The following VCL variants were observed in gnomAD, a reference collection of about 807,000 sequenced individuals.
VCL encodes vinculin.
Under a neutral mutation model 125.7 loss-of-function variants are expected in VCL, and 47 were observed. The ratio of observed to expected loss-of-function variants is 0.37; its 90% CI spans 0.30 to 0.48. VCL has a LOEUF of 0.48. Ranked by LOEUF, VCL falls within the 20% of genes least tolerant of loss-of-function variation. The pLI is 0.99. For synonymous variants in VCL, 458 were observed against 514.6 expected (o/e 0.89, Z 1.49); for missense variants, 1,069 against 1,455.5 (o/e 0.73, Z 4.32).
At chr10:74,069,660 T>C (rs1329253712) in intron 2 of VCL, among the ~76,000 whole-genome samples, 1 of 152,208 alleles carries the variant, frequency 6.6e-6, no homozygotes, top group African/African-American at 2.4e-5. Flanking sequence ...CTTTAAGCAG[T>C]TTGTTCCTTA....
chr10:74,100,669 G>A (rs1840037665), intron 13 of VCL, among the ~76,000 whole-genome samples: 1 of 152,096 alleles, frequency 6.6e-6, no homozygotes, highest in Non-Finnish European at 1.5e-5. Flanking sequence ...GCTCCTGCTT[G>A]TACCTGGTAA....
chr10:74,051,060 C>G (rs1299370325), intron 2 of VCL, among the ~76,000 whole-genome samples: 1 of 150,836 alleles, frequency 6.6e-6, no homozygotes. Context: ...CTGACTCAGC[C>G]TCCCGAGTAG....
chr10:74,100,046 A>G (rs1189416062), intron 13 of VCL, among the ~76,000 whole-genome samples: 1 of 152,198 alleles, frequency 6.6e-6, no homozygotes, highest in East Asian at 1.9e-4. Context: ...AGCTCCAGAC[A>G]TGTTCGTGTA....
chr10:74,082,558 T>A lies in VCL; in HGVS notation c.874+14T>A. On this transcript the variant is annotated intron_variant, in intron 7 of 21. Transcript: ENST00000211998. ...GTGCCTCCCCAGGTAACCCTCTAGT[T>A]CTGCTTTTCTGATCAATACAACGAG... is the stretch of plus-strand genomic sequence containing the variant. The A allele has an allele frequency of 6.2e-7, 1 of 1,613,304 alleles. No homozygotes were observed. The highest frequency in any genetic ancestry group is 8.5e-7 in the Non-Finnish European group (1 of 1,179,316).
At chr10:74,002,681 AGACCAT>A (rs1173052116) in intron 1 of VCL, among the ~76,000 whole-genome samples, 1 of 151,432 alleles carries the variant, frequency 6.6e-6, no homozygotes, top group Non-Finnish European at 1.5e-5. Flanking sequence ...CAAGAGATGG[AGACCAT>A]CCTGGCCAAC....
chr10:74,114,434 T>TGC lies in VCL; in HGVS notation c.3153+48_3153+49insCG, dbSNP rs60917222. 0.043 allele frequency: 61,193 copies of TGC among 1,428,462 alleles called. 2,138 individuals are homozygous for TGC. Among genetic ancestry groups the TGC allele is most frequent in the African/African-American group, 0.16 (11,205 of 68,896 alleles). The allele number at this position is 1,428,462 out of a possible 1,614,324, so 88.5% of individuals were successfully genotyped here. On this transcript the variant is annotated intron_variant, in intron 20 of 21. Coordinates refer to ENST00000211998, the MANE Select transcript of VCL (RefSeq NM_014000.3). ...GTGTGTGTGTGTGTGTGTGTGTGTG[T>TGC]GTGCGTGTGTGTGTGTGTTGGAGGG...
At chr10:74,038,489 G>C (rs1260450365) in intron 1 of VCL, among the ~76,000 whole-genome samples, 1 of 152,206 alleles carries the variant, frequency 6.6e-6, no homozygotes, top group Non-Finnish European at 1.5e-5. Flanking sequence ...CTTAAAAACA[G>C]TGCCGTTCGT....
intron 8 of VCL, among the ~76,000 whole-genome samples, chr10:74,084,588 A>C (rs1839737113): frequency 6.6e-6 from 1 of 150,808 alleles, no homozygotes; most frequent in Non-Finnish European, 1.5e-5. Flanking sequence ...TGACCTGCCA[A>C]ATTTTTTCTT....
At chr10:74,054,288 G>A (rs1255842239) in intron 2 of VCL, among the ~76,000 whole-genome samples, 1 of 152,124 alleles carries the variant, frequency 6.6e-6, no homozygotes, top group African/African-American at 2.4e-5. Context: ...GTCAGTGTTA[G>A]CTCTACATAT....
intron 16 of VCL, among the ~76,000 whole-genome samples, chr10:74,105,851 A>T (rs1840123515): frequency 7.1e-6 from 1 of 140,698 alleles, no homozygotes; most frequent in Non-Finnish European, 1.5e-5. Context: ...CACCGTGCCC[A>T]ACCTCTGCGC....
In VCL at chr10:74,095,805, G is replaced by C; in HGVS notation, c.1693G>C (p.Glu565Gln). The C allele has an allele frequency of 6.2e-7, 1 of 1,614,156 alleles. No individual in the cohort carries two copies. Among genetic ancestry groups the C allele is most frequent in the Non-Finnish European group, 8.5e-7 (1 of 1,180,040 alleles). ...LADLAARGEGESPQARALASQ... is the reference protein window; with the variant it reads ...LADLAARGEGQSPQARALASQ... ...TGACCTGGCTGCCAGAGGGGAAGGGGAGAGTCCTCAGGCACGAGCACTTGC... is the reference window on the plus strand; with the variant it reads ...TGACCTGGCTGCCAGAGGGGAAGGGCAGAGTCCTCAGGCACGAGCACTTGC... Residue 565 changes from glutamate (E) to glutamine (Q), a missense_variant, in exon 12 of 22, where the codon GAG (glutamate) becomes CAG (glutamine). Glu to Gln is a conservative substitution (Grantham distance 29). Coordinates refer to ENST00000211998, the MANE Select transcript of VCL (RefSeq NM_014000.3).
intron 1 of VCL, among the ~76,000 whole-genome samples, chr10:74,008,998 G>A (rs183050692): frequency 1.4e-4 from 21 of 152,220 alleles, no homozygotes; most frequent in African/African-American, 4.6e-4. Flanking sequence ...ATCCTTAAGA[G>A]TTAGCTTTTG....
intron 1 of VCL, among the ~76,000 whole-genome samples, chr10:74,000,962 G>C (rs894926897): frequency 2.0e-5 from 3 of 152,196 alleles, no homozygotes; most frequent in African/African-American, 7.2e-5. Flanking sequence ...ATGAACAAAG[G>C]TACTTGTGAG....
chr10:74,026,037 G>C (rs1458838420), intron 1 of VCL, among the ~76,000 whole-genome samples: 3 of 152,200 alleles, frequency 2.0e-5, no homozygotes, highest in Admixed American at 1.3e-4. Context: ...GACCAGGTGT[G>C]TCATTTACAT....
At chr10:74,095,886 T>C in intron 12 of VCL, 31 bp downstream of exon 12, 1 of 1,607,760 alleles carries the variant, frequency 6.2e-7, no homozygotes, top group Non-Finnish European at 8.5e-7. Context: ...TCATTTTACT[T>C]TTTATGCTTC....
At chr10:74,052,677 C>T (rs938747630) in intron 2 of VCL, among the ~76,000 whole-genome samples, 7 of 151,598 alleles carry the variant, frequency 4.6e-5, no homozygotes, top group African/African-American at 1.2e-4. Flanking sequence ...GTGCTTGGCC[C>T]TTCAGTTACT....
At chr10:74,108,440 G>A (rs1246111086) in intron 17 of VCL, among the ~76,000 whole-genome samples, 1 of 151,900 alleles carries the variant, frequency 6.6e-6, no homozygotes, top group Non-Finnish European at 1.5e-5. Context: ...ATACTTCCCT[G>A]GGATGCAACC....
At chr10:74,117,279 A>G (rs1031636609) in intron 21 of VCL, among the ~76,000 whole-genome samples, 1 of 152,214 alleles carries the variant, frequency 6.6e-6, no homozygotes, top group African/African-American at 2.4e-5. Context: ...TAGTATGAAG[A>G]CAGAAAAAAC....
At chr10:74,084,800 C>T (rs548011373) in intron 8 of VCL, among the ~76,000 whole-genome samples, 6 of 150,508 alleles carry the variant, frequency 4.0e-5, no homozygotes, top group South Asian at 2.1e-4. Context: ...TTAGTAGAGA[C>T]GGGGTTTCTC....
Sources: gnomAD v4.1 joint callset for allele counts (sites outside exome capture counted in the v4.1 genomes callset) on GRCh38, gnomAD v4.1.1 for gene constraint, MANE v1.5 for transcripts, NCBI Gene and HGNC (gene_info 2026-07-23, HGNC 2026-07-21) for gene names.